RPS6KA3: variants seen among roughly 807,000 people sequenced by gnomAD.
The protein encoded by RPS6KA3 is ribosomal protein S6 kinase A3.
A neutral mutation model predicts 67.2 loss-of-function variants in RPS6KA3; 4 were observed. The ratio of observed to expected loss-of-function variants is 0.06; its 90% CI spans 0.03 to 0.14. RPS6KA3 has a LOEUF of 0.14. Among genes scored for constraint, RPS6KA3 ranks in the 10% least tolerant of loss-of-function variants. The probability of loss-of-function intolerance (pLI) is 1.00; values close to 1 mark genes in which losing one functional copy is unlikely to be tolerated. For synonymous variants in RPS6KA3, 182 were observed against 183.7 expected (o/e 0.99, Z 0.07); for missense variants, 204 against 559.0 (o/e 0.36, Z 6.40).
intron 5 of RPS6KA3, among the ~76,000 whole-genome samples, chrX:20,194,670 T>A (rs1246719945): frequency 9.0e-6 from 1 of 111,078 alleles, no homozygotes; most frequent in Non-Finnish European, 1.9e-5. Flanking sequence ...AAAAAGCATA[T>A]GGCTTCGGGG....
chrX:20,244,321 C>CT (rs2069628858), intron 1 of RPS6KA3, among the ~76,000 whole-genome samples: 1 of 111,616 alleles, frequency 9.0e-6, no homozygotes, highest in Non-Finnish European at 1.9e-5. Context: ...GTTTAAAATT[C>CT]TTAAAGGCAG....
chrX:20,254,335 A>T (rs1367124337), intron 1 of RPS6KA3, among the ~76,000 whole-genome samples: 1 of 112,116 alleles, frequency 8.9e-6, no homozygotes, highest in Non-Finnish European at 1.9e-5. Flanking sequence ...GGAGACTCTA[A>T]GGAAAAATAT....
At chrX:20,194,606 G>A (rs1235865243) in intron 5 of RPS6KA3, among the ~76,000 whole-genome samples, 1 of 110,640 alleles carries the variant, frequency 9.0e-6, no homozygotes, top group African/African-American at 3.3e-5. Context: ...AAAAATATGG[G>A]TTGGTTAGGT....
Position 20,204,192 on chromosome X carries a change from A to T in RPS6KA3, c.244-89T>A. The T allele has an allele frequency of 5.4e-6, 3 of 553,401 alleles. No homozygotes were observed. The Admixed American group carries it at 8.1e-5, about 15-fold the overall frequency. The allele number at this position is 553,401 out of a possible 1,213,427, so 45.6% of individuals were successfully genotyped here. ...AGACCCTGCTATAATACAGTTTATT[A>T]TTATAATATAGATTCAGATATACTG... On this transcript the variant is annotated intron_variant, in intron 3 of 21. Transcript: ENST00000379565.
chrX:20,218,837 A>AT, intron 2 of RPS6KA3: 1 of 1,198,626 alleles, frequency 8.3e-7, no homozygotes, highest in South Asian at 1.8e-5. Context: ...AAATTTAAAC[A>AT]TGGCTACGAA....
chrX:20,254,698 G>A (rs1603432393), intron 1 of RPS6KA3, among the ~76,000 whole-genome samples: 1 of 112,327 alleles, frequency 8.9e-6, no homozygotes, highest in Admixed American at 9.4e-5. Flanking sequence ...AAATAAGCAC[G>A]TGAATTATGT....
At chrX:20,231,151 A>T (rs1803456092) in intron 2 of RPS6KA3, among the ~76,000 whole-genome samples, 1 of 110,341 alleles carries the variant, frequency 9.1e-6, no homozygotes, top group African/African-American at 3.3e-5. Flanking sequence ...AGAGACAGGG[A>T]CTTACTATGC....
At chrX:20,241,931 A>T (rs187117244) in intron 1 of RPS6KA3, among the ~76,000 whole-genome samples, 155 of 111,640 alleles carry the variant, frequency 1.4e-3, no homozygotes, top group Middle Eastern at 9.2e-3. Context: ...GTAGTTTTTT[A>T]AAAAAATAAA....
chrX:20,262,975 T>C (rs1465526984), intron 1 of RPS6KA3, among the ~76,000 whole-genome samples: 2 of 111,382 alleles, frequency 1.8e-5, no homozygotes, highest in Non-Finnish European at 3.8e-5. Flanking sequence ...AAGGCCTCAT[T>C]TTCTATAATA....
upstream of RPS6KA3, chrX:20,266,972 T>C: frequency 2.7e-6 from 2 of 741,444 alleles, no homozygotes; most frequent in African/African-American, 4.8e-5. Context: ...CCGCGCCCGC[T>C]CCCAGCAGAA....
chrX:20,249,107 C>T (rs1193505463), intron 1 of RPS6KA3, among the ~76,000 whole-genome samples: 1 of 111,969 alleles, frequency 8.9e-6, no homozygotes. Flanking sequence ...CAGCATAAAT[C>T]CCTTGAGATT....
Position 20,172,960 on chromosome X carries a change from G to A in RPS6KA3, c.1228-89C>T. On this transcript the variant is annotated intron_variant, in intron 14 of 21. Transcript: ENST00000379565. ...AGTATGTTACTCAGCATGCATTGTT[G>A]ATGCCCTACATATAAATGAATAAGA... 6 of 745,056 alleles carry A rather than the reference G, an allele frequency of 8.1e-6. No homozygotes were observed. The Admixed American group carries it at 1.4e-4, about 18-fold the overall frequency. The allele number at this position is 745,056 out of a possible 1,213,427, so 61.4% of individuals were successfully genotyped here.
intron 2 of RPS6KA3, among the ~76,000 whole-genome samples, chrX:20,217,527 T>C (rs2068886281): frequency 8.9e-6 from 1 of 112,645 alleles, no homozygotes; most frequent in Admixed American, 9.4e-5. Context: ...CTTGAGGCAT[T>C]TGTATTTTCT....
chrX:20,213,855 T>C (rs1237790826), intron 2 of RPS6KA3, among the ~76,000 whole-genome samples: 4 of 110,426 alleles, frequency 3.6e-5, no homozygotes, highest in African/African-American at 1.3e-4. Flanking sequence ...ATCATGACAA[T>C]ATATGGTTCA....
intron 1 of RPS6KA3, among the ~76,000 whole-genome samples, chrX:20,259,201 T>C (rs999520438): frequency 9.0e-6 from 1 of 111,634 alleles, no homozygotes; most frequent in African/African-American, 3.3e-5. Flanking sequence ...ATCTATTCTC[T>C]AGTAAGTGAA....
chrX:20,157,103 C>G (rs1180969050), intron 20 of RPS6KA3, among the ~76,000 whole-genome samples: 1 of 112,079 alleles, frequency 8.9e-6, no homozygotes, highest in Non-Finnish European at 1.9e-5. Context: ...CACTGCATAT[C>G]TATCTAAATG....
chrX:20,226,673 CTT>C lies in RPS6KA3; in HGVS notation c.126+8083_126+8084del, dbSNP rs749895861. On this transcript the variant is annotated intron_variant, in intron 2 of 21. Transcript: ENST00000379565. Reference sequence around the variant, plus strand: ...ATTTCACTTGAATTTTTATCAAAGGCTTTATAAAGGGTCAAAAAGCATTTCAA... The same window carrying C: ...ATTTCACTTGAATTTTTATCAAAGGCTATAAAGGGTCAAAAAGCATTTCAA... Among the ~76,000 whole-genome samples, 6 of 112,178 alleles carry C rather than the reference CTT, an allele frequency of 5.3e-5. No individual in the cohort carries two copies. The East Asian group carries it at 1.7e-3, about 31-fold the overall frequency.
chrX:20,243,740 C>G (rs1025209178), intron 1 of RPS6KA3, among the ~76,000 whole-genome samples: 1 of 110,257 alleles, frequency 9.1e-6, no homozygotes, highest in African/African-American at 3.3e-5. Flanking sequence ...GTGATCCACC[C>G]GTCTCGGCCT....
intron 2 of RPS6KA3, among the ~76,000 whole-genome samples, chrX:20,219,183 T>C (rs2068929874): frequency 8.9e-6 from 1 of 112,177 alleles, no homozygotes; most frequent in Non-Finnish European, 1.9e-5. Context: ...ACAAACGTTA[T>C]TATTTTAGAA....
Sources: allele counts gnomAD v4.1 joint callset (sites outside exome capture counted in the v4.1 genomes callset), GRCh38; gene constraint gnomAD v4.1.1; transcripts MANE v1.5; gene names NCBI Gene and HGNC (gene_info 2026-07-23, HGNC 2026-07-21).